The following NCKAP5 variants were observed in gnomAD, a reference collection of about 807,000 sequenced individuals.
NCKAP5 encodes the protein NCK associated protein 5.
A neutral mutation model predicts 167.0 loss-of-function variants in NCKAP5; 92 were observed. The ratio of observed to expected loss-of-function variants is 0.55; its 90% CI spans 0.47 to 0.66. NCKAP5 has a LOEUF of 0.66. Ranked by LOEUF, NCKAP5 falls within the 30% of genes least tolerant of loss-of-function variation. NCKAP5 has a pLI of 0.00. For missense variants in NCKAP5, 2,378 were observed against 2,315.0 expected, an observed-to-expected ratio of 1.03 and a Z score of -0.56; for synonymous variants, 891 against 877.4, an observed-to-expected ratio of 1.02 and a Z score of -0.27.
At chr2:132,933,995 G>C (rs1696647145) in intron 8 of NCKAP5, among the ~76,000 whole-genome samples, 1 of 152,184 alleles carries the variant, frequency 6.6e-6, no homozygotes, top group East Asian at 1.9e-4. Context: ...TTTTTGCCCA[G>C]TGGAGCCCAA....
chr2:132,886,537 C>T (rs564342521), intron 8 of NCKAP5, among the ~76,000 whole-genome samples: 1 of 152,350 alleles, frequency 6.6e-6, no homozygotes, highest in East Asian at 1.9e-4. Context: ...TCCAGGTTCA[C>T]AGAGCTGCAT....
intron 6 of NCKAP5, among the ~76,000 whole-genome samples, chr2:133,016,333 T>C (rs1334893937): frequency 2.0e-5 from 3 of 152,090 alleles, no homozygotes; most frequent in Non-Finnish European, 1.5e-5. Context: ...ACAGTGACAG[T>C]GGCACAAAAA....
the NCKAP5 span, among the ~76,000 whole-genome samples, chr2:133,662,595 A>T: frequency 6.9e-6 from 1 of 144,416 alleles, no homozygotes; most frequent in Non-Finnish European, 1.5e-5. Context: ...TCACAATACC[A>T]TTAGGTTGGT....
At chr2:133,035,223 A>G (rs1008933965) in intron 6 of NCKAP5, among the ~76,000 whole-genome samples, 3 of 152,104 alleles carry the variant, frequency 2.0e-5, no homozygotes, top group East Asian at 1.9e-4. Flanking sequence ...ACAATTTTAA[A>G]TAAATATGCA....
upstream of NCKAP5, among the ~76,000 whole-genome samples, chr2:133,570,812 T>A (rs962903240): frequency 7.9e-5 from 12 of 152,080 alleles, no homozygotes; most frequent in Non-Finnish European, 1.3e-4. Context: ...ATTAAGGAAA[T>A]CTCCAGGGAG....
intron 6 of NCKAP5, among the ~76,000 whole-genome samples, chr2:133,035,170 G>T (rs1486601073): frequency 6.6e-6 from 1 of 151,938 alleles, no homozygotes; most frequent in African/African-American, 2.4e-5. Context: ...AGACAAAAAA[G>T]TCACTGTATA....
At chr2:133,432,006 A>C (rs1417950575) in intron 3 of NCKAP5, among the ~76,000 whole-genome samples, 5 of 152,186 alleles carry the variant, frequency 3.3e-5, no homozygotes, top group Non-Finnish European at 1.5e-5. Flanking sequence ...CACATTCACC[A>C]AACACATGGA....
At chr2:132,934,703 A>G (rs530841017) in intron 8 of NCKAP5, among the ~76,000 whole-genome samples, 1 of 152,358 alleles carries the variant, frequency 6.6e-6, no homozygotes, top group South Asian at 2.1e-4. Context: ...CATTTGTTAG[A>G]CATTTATGAA....
intron 6 of NCKAP5, among the ~76,000 whole-genome samples, chr2:133,005,757 T>G (rs996525423): frequency 6.6e-6 from 1 of 152,210 alleles, no homozygotes; most frequent in Non-Finnish European, 1.5e-5. Context: ...TTGGCCCCCA[T>G]ATTTATCTTT....
chr2:132,770,132 C>A lies in NCKAP5; in HGVS notation c.5128+3684G>T, dbSNP rs188986145. On this transcript the variant is annotated intron_variant, in intron 16 of 19. Transcript: ENST00000409261. ...TTCTCCAACCCAAATTTGCTCAAACCAGTATTGAGTGCCCCAAACTTATAG... is the reference window on the plus strand; with the variant it reads ...TTCTCCAACCCAAATTTGCTCAAACAAGTATTGAGTGCCCCAAACTTATAG... Among the ~76,000 whole-genome samples the A allele has an allele frequency of 3.6e-3, 543 of 152,240 alleles. 1 individual carries two copies. Among genetic ancestry groups the A allele is most frequent in the Non-Finnish European group, 5.7e-3 (388 of 68,020 alleles).
chr2:133,483,074 TTATC>T (rs139981921), intron 3 of NCKAP5, among the ~76,000 whole-genome samples: 1,829 of 152,316 alleles, frequency 0.012, 27 homozygotes, highest in African/African-American at 0.042. Context: ...TAACATTCCT[TTATC>T]TATCTATCTA....
intron 3 of NCKAP5, among the ~76,000 whole-genome samples, chr2:133,514,045 C>T (rs1683752815): frequency 6.6e-6 from 1 of 152,108 alleles, no homozygotes; most frequent in Admixed American, 6.5e-5. Flanking sequence ...CTGGGAAGGG[C>T]TGAACAGTTT....
chr2:133,370,351 A>G (rs976868309), intron 3 of NCKAP5, among the ~76,000 whole-genome samples: 3 of 152,320 alleles, frequency 2.0e-5, no homozygotes, highest in Non-Finnish European at 4.4e-5. Flanking sequence ...TTGAGTCTTC[A>G]TGTAAAAGTG....
chr2:132,834,908 G>T (rs537197673), intron 11 of NCKAP5, among the ~76,000 whole-genome samples: 1 of 152,254 alleles, frequency 6.6e-6, no homozygotes, highest in Admixed American at 6.5e-5. Context: ...TAGAGAAAAC[G>T]CTTTTAACTT....
chr2:132,983,213 T>C (rs2077191560), intron 7 of NCKAP5, among the ~76,000 whole-genome samples: 1 of 152,178 alleles, frequency 6.6e-6, no homozygotes, highest in Non-Finnish European at 1.5e-5. Context: ...TTTGGCAGAG[T>C]GCTTAGTGTT....
intron 3 of NCKAP5, among the ~76,000 whole-genome samples, chr2:133,386,693 G>C (rs903343711): frequency 3.3e-5 from 5 of 152,166 alleles, no homozygotes; most frequent in South Asian, 2.1e-4. Context: ...AAGTCTCTTT[G>C]TAGGTCTCTA....
chr2:132,831,038 A>ATT (rs1289475104), intron 11 of NCKAP5, among the ~76,000 whole-genome samples: 1 of 152,232 alleles, frequency 6.6e-6, no homozygotes, highest in Non-Finnish European at 1.5e-5. Context: ...AAAAACATAA[A>ATT]TAAATGGCAC....
intron 3 of NCKAP5, among the ~76,000 whole-genome samples, chr2:133,443,869 A>T (rs1691012431): frequency 6.6e-6 from 1 of 152,194 alleles, no homozygotes; most frequent in African/African-American, 2.4e-5. Flanking sequence ...AGAAGTCAAG[A>T]TTATGGCAGG....
chr2:132,763,957 TG>T (rs1406731951), intron 16 of NCKAP5, among the ~76,000 whole-genome samples: 4 of 152,300 alleles, frequency 2.6e-5, no homozygotes, highest in African/African-American at 7.2e-5. Context: ...TTTAGCTCCC[TG>T]GTGCAATCGA....
Sources: gnomAD v4.1 joint callset for allele counts (sites outside exome capture counted in the v4.1 genomes callset) on GRCh38, gnomAD v4.1.1 for gene constraint, MANE v1.5 for transcripts, NCBI Gene and HGNC (gene_info 2026-07-23, HGNC 2026-07-21) for gene names.